The following JAZF1 variants were observed in gnomAD, a reference collection of about 807,000 sequenced individuals.
The protein encoded by JAZF1 is juxtaposed with another zinc finger protein 1.
In JAZF1, 8 loss-of-function variants were observed where a neutral mutation model predicts 26.4. The ratio of observed to expected loss-of-function variants is 0.30; its 90% CI spans 0.18 to 0.55. JAZF1 has a LOEUF of 0.55. Among genes scored for constraint, JAZF1 ranks in the 20% least tolerant of loss-of-function variants. The probability of loss-of-function intolerance (pLI) is 0.94; values close to 1 mark genes in which losing one functional copy is unlikely to be tolerated. For synonymous variants in JAZF1, 126 were observed against 122.3 expected (o/e 1.03, Z -0.20); for missense variants, 199 against 322.0 (o/e 0.62, Z 2.92).
At chr7:28,007,568 C>CAA (rs538366542) in intron 1 of JAZF1, among the ~76,000 whole-genome samples, 1 of 134,192 alleles carries the variant, frequency 7.5e-6, no homozygotes, top group Non-Finnish European at 1.6e-5. Flanking sequence ...GACTCCATCT[C>CAA]AAAAAAAAAA....
chr7:28,059,742 C>A (rs1783769190), intron 1 of JAZF1, among the ~76,000 whole-genome samples: 1 of 152,130 alleles, frequency 6.6e-6, no homozygotes, highest in South Asian at 2.1e-4. Context: ...TTTGGCTGAG[C>A]AAACAATTAC....
chr7:27,896,393 T>C (rs1300040154), intron 2 of JAZF1, among the ~76,000 whole-genome samples: 2 of 152,198 alleles, frequency 1.3e-5, no homozygotes, highest in Non-Finnish European at 2.9e-5. Context: ...AAAATTGCCA[T>C]AGAAAGCATA....
chr7:27,943,890 G>A (rs1345801495), intron 2 of JAZF1, among the ~76,000 whole-genome samples: 1 of 152,178 alleles, frequency 6.6e-6, no homozygotes, highest in Non-Finnish European at 1.5e-5. Context: ...GGTAAACCCA[G>A]ATTTCAGCTG....
At chr7:28,039,545 T>C (rs1783354399) in intron 1 of JAZF1, among the ~76,000 whole-genome samples, 3 of 152,322 alleles carry the variant, frequency 2.0e-5, no homozygotes, top group African/African-American at 7.2e-5. Flanking sequence ...GAAGCTAAGA[T>C]AGTCCCTGGA....
intron 1 of JAZF1, among the ~76,000 whole-genome samples, chr7:28,117,485 T>C (rs1332457896): frequency 6.6e-6 from 1 of 152,246 alleles, no homozygotes; most frequent in Non-Finnish European, 1.5e-5. Context: ...CTGTTGAATA[T>C]GACACTGGTC....
At chr7:27,893,716 G>A (rs956618198) in intron 3 of JAZF1, among the ~76,000 whole-genome samples, 2 of 152,124 alleles carry the variant, frequency 1.3e-5, no homozygotes, top group Admixed American at 1.3e-4. Flanking sequence ...GATTAGTGAC[G>A]GTCTATACTC....
rs368867507 is a variant in JAZF1, at chr7:27,929,999, T to A, written c.189-34583A>T. Among the ~76,000 whole-genome samples the A allele has an allele frequency of 4.0e-5, 6 of 148,586 alleles. No individual in the cohort carries two copies. The South Asian group carries it at 1.3e-3, about 31-fold the overall frequency. ...CCCTCCCTCTCTCTCTCTCTCTCTT[T>A]CTTTCTTTCTTTTTGAGACGGAGTC... On this transcript the variant is annotated intron_variant, in intron 2 of 4. Coordinates refer to ENST00000283928, the MANE Select transcript of JAZF1 (RefSeq NM_175061.4).
chr7:28,039,125 C>G (rs2128376749), intron 1 of JAZF1, among the ~76,000 whole-genome samples: 1 of 152,284 alleles, frequency 6.6e-6, no homozygotes, highest in Middle Eastern at 3.4e-3. Flanking sequence ...GGAACGTAAG[C>G]TCATAGCATC....
intron 3 of JAZF1, among the ~76,000 whole-genome samples, chr7:27,850,719 G>A (rs1783129150): frequency 6.6e-6 from 1 of 151,758 alleles, no homozygotes; most frequent in South Asian, 2.1e-4. Flanking sequence ...ACCCTCTAGT[G>A]GCTTCTCACA....
chr7:27,913,632 G>A (rs948219273), intron 2 of JAZF1, among the ~76,000 whole-genome samples: 4 of 152,176 alleles, frequency 2.6e-5, no homozygotes, highest in African/African-American at 9.7e-5. Context: ...TTCCTTGACT[G>A]ATTAACATCT....
intron 1 of JAZF1, among the ~76,000 whole-genome samples, chr7:28,058,259 G>A (rs1354566499): frequency 6.6e-6 from 1 of 152,174 alleles, no homozygotes; most frequent in East Asian, 1.9e-4. Flanking sequence ...ACAAAGTGGG[G>A]GATGCACAGA....
rs1211198645 is a variant in JAZF1, at chr7:27,872,565, T to C, written c.385+22655A>G. On this transcript the variant is annotated intron_variant, in intron 3 of 4. Coordinates refer to ENST00000283928, the MANE Select transcript of JAZF1 (RefSeq NM_175061.4). ...CAGCCAGGGGATGTTAACTCAACTT[T>C]GGCAAGTGTTTAAAGATTTCTCTCT... 2.6e-5 allele frequency among the ~76,000 whole-genome samples: 4 copies of C among 152,172 alleles called. No individual in the cohort carries two copies. The East Asian group carries it at 7.7e-4, about 29-fold the overall frequency.
intron 3 of JAZF1, among the ~76,000 whole-genome samples, chr7:27,884,552 G>A (rs1234622473): frequency 6.6e-6 from 1 of 152,166 alleles, no homozygotes; most frequent in Non-Finnish European, 1.5e-5. Context: ...ACATACTCAA[G>A]TTAACTATGG....
rs113345125 is a variant in JAZF1, at chr7:28,167,255, C to T, written c.115+13208G>A. 3.7e-3 allele frequency among the ~76,000 whole-genome samples: 560 copies of T among 152,352 alleles called. 1 individual carries two copies. The highest frequency in any genetic ancestry group is 0.01 in the Middle Eastern group (3 of 294). ...CCGCTTCACAGTAAAACCTCCACCC[C>T]AGCCTCCTGCAAAAGACAAGGAAGG... On this transcript the variant is annotated intron_variant, in intron 1 of 4. Transcript: ENST00000283928.
intron 2 of JAZF1, among the ~76,000 whole-genome samples, chr7:27,934,446 ATT>A (rs1345732971): frequency 1.3e-5 from 2 of 148,904 alleles, no homozygotes; most frequent in East Asian, 3.9e-4. Flanking sequence ...ACCAGTGAGG[ATT>A]TTTCATTTTA....
chr7:27,986,345 A>G (rs1785705805), intron 2 of JAZF1, among the ~76,000 whole-genome samples: 2 of 152,258 alleles, frequency 1.3e-5, no homozygotes, highest in South Asian at 4.1e-4. Flanking sequence ...CCAAATCATG[A>G]GTGAACTCCC....
chr7:28,059,644 A>G (rs1403307315), intron 1 of JAZF1, among the ~76,000 whole-genome samples: 1 of 152,124 alleles, frequency 6.6e-6, no homozygotes, highest in African/African-American at 2.4e-5. Context: ...CAAAGTACGT[A>G]TTTTAGAACC....
intron 2 of JAZF1, among the ~76,000 whole-genome samples, chr7:27,956,260 C>A (rs1785090553): frequency 6.6e-6 from 1 of 152,194 alleles, no homozygotes; most frequent in African/African-American, 2.4e-5. Flanking sequence ...CTATCATTTC[C>A]CCTTCACACT....
At chr7:27,852,797 T>G (rs17155950) in intron 3 of JAZF1, among the ~76,000 whole-genome samples, 39,294 of 152,146 alleles carry the variant, frequency 0.26, 5,576 homozygotes, top group East Asian at 0.57. Flanking sequence ...CCATTTTGAG[T>G]AGCATTTTGG....
Sources: gnomAD v4.1 joint callset for allele counts (sites outside exome capture counted in the v4.1 genomes callset) on GRCh38, gnomAD v4.1.1 for gene constraint, MANE v1.5 for transcripts, NCBI Gene and HGNC (gene_info 2026-07-23, HGNC 2026-07-21) for gene names.